The following TLE4 variants were observed in gnomAD, a reference collection of about 807,000 sequenced individuals.
TLE4 encodes the protein transducin-like enhancer protein 4.
In TLE4, 8 loss-of-function variants were observed where a neutral mutation model predicts 92.8. The observed-to-expected ratio is 0.09, with a 90% CI of 0.05 to 0.16. The LOEUF (loss-of-function observed/expected upper bound fraction) is 0.16, where lower values mean the gene tolerates loss of function less well. TLE4 is among the 10% of genes least tolerant of loss of function. TLE4 has a pLI of 1.00. For missense variants in TLE4, 675 were observed against 997.6 expected, an observed-to-expected ratio of 0.68 and a Z score of 4.36; for synonymous variants, 371 against 374.1, an observed-to-expected ratio of 0.99 and a Z score of 0.10.
intron 4 of TLE4, among the ~76,000 whole-genome samples, chr9:79,597,360 CTGACCTT>C (rs2044286849): frequency 6.6e-6 from 1 of 152,190 alleles, no homozygotes; most frequent in African/African-American, 2.4e-5. Flanking sequence ...GGTCCCTTCT[CTGACCTT>C]GGAAAATCCT....
intron 1 of TLE4, chr9:79,573,426 G>T (rs2036528746): frequency 2.5e-6 from 3 of 1,191,942 alleles, no homozygotes; most frequent in Admixed American, 7.3e-5. Context: ...TTTGGCCGGG[G>T]AGGGGAGACG....
intron 8 of TLE4, among the ~76,000 whole-genome samples, chr9:79,702,437 T>C (rs540308769): frequency 6.6e-6 from 1 of 152,064 alleles, no homozygotes; most frequent in South Asian, 2.1e-4. Context: ...GTTTCAGTGG[T>C]CATGAAAACC....
At chr9:79,622,482 C>T (rs1199562684) in intron 5 of TLE4, among the ~76,000 whole-genome samples, 1 of 152,144 alleles carries the variant, frequency 6.6e-6, no homozygotes, top group Non-Finnish European at 1.5e-5. Context: ...GTCAGGTCAG[C>T]TTCCTAAGGG....
chr9:79,690,772 C>A (rs1042409049), intron 8 of TLE4, among the ~76,000 whole-genome samples: 6 of 142,470 alleles, frequency 4.2e-5, no homozygotes, highest in African/African-American at 1.5e-4. Context: ...TGTGCCACCA[C>A]TCCTGGCTTT....
chr9:79,621,705 T>C (rs2051033400), intron 5 of TLE4, among the ~76,000 whole-genome samples: 1 of 152,172 alleles, frequency 6.6e-6, no homozygotes, highest in South Asian at 2.1e-4. Flanking sequence ...TTTAGAAATT[T>C]GCGTGCTTTT....
chr9:79,691,992 G>A (rs1225671757), intron 8 of TLE4, among the ~76,000 whole-genome samples: 1 of 152,150 alleles, frequency 6.6e-6, no homozygotes, highest in African/African-American at 2.4e-5. Context: ...TTAGGGCCCA[G>A]CAGAATGCCT....
chr9:79,703,307 C>A (rs1260362754), intron 8 of TLE4, among the ~76,000 whole-genome samples: 1 of 152,170 alleles, frequency 6.6e-6, no homozygotes, highest in Non-Finnish European at 1.5e-5. Context: ...GGTGCCCTGC[C>A]AAGGGACTGT....
At chr9:79,679,546 T>C (rs1330475304) in intron 8 of TLE4, among the ~76,000 whole-genome samples, 1 of 152,110 alleles carries the variant, frequency 6.6e-6, no homozygotes, top group Non-Finnish European at 1.5e-5. Context: ...GTTGAGAAAA[T>C]TTTCTCCCAT....
intron 14 of TLE4, among the ~76,000 whole-genome samples, chr9:79,712,049 A>G (rs1310280519): frequency 6.6e-6 from 1 of 152,192 alleles, no homozygotes; most frequent in Non-Finnish European, 1.5e-5. Flanking sequence ...TCATTCATGA[A>G]TCAGGGATGG....
In TLE4 at chr9:79,596,569, A is replaced by G. The variant is rs141654227; in HGVS notation, c.253-16087A>G. On this transcript the variant is annotated intron_variant, in intron 4 of 19. Transcript: ENST00000376552. ...TTTAGATCTGTTCCCTAGCCACCTCATGGTCCTTGCAGCCCTTCCCCTGTG... is the reference window on the plus strand; with the variant it reads ...TTTAGATCTGTTCCCTAGCCACCTCGTGGTCCTTGCAGCCCTTCCCCTGTG... Among the ~76,000 whole-genome samples, 53 of 152,230 alleles carry G rather than the reference A, an allele frequency of 3.5e-4. 2 individuals are homozygous for G. In the East Asian group the frequency reaches 5.2e-3, roughly 15 times the overall value.
intron 8 of TLE4, among the ~76,000 whole-genome samples, chr9:79,682,281 G>A (rs2064870347): frequency 6.6e-6 from 1 of 152,104 alleles, no homozygotes; most frequent in East Asian, 1.9e-4. Flanking sequence ...TTGAAGTGAT[G>A]TAAAAGTGTA....
intron 8 of TLE4, among the ~76,000 whole-genome samples, chr9:79,658,695 A>G (rs146950495): frequency 6.6e-6 from 1 of 152,314 alleles, no homozygotes; most frequent in East Asian, 1.9e-4. Flanking sequence ...TACTTCATAC[A>G]CCCCTTTAAG....
At chr9:79,594,429 G>T (rs1181332903) in intron 4 of TLE4, among the ~76,000 whole-genome samples, 6 of 152,148 alleles carry the variant, frequency 3.9e-5, no homozygotes, top group Admixed American at 2.6e-4. Context: ...AAGATTGATA[G>T]TGTATTATCT....
At chr9:79,656,497 G>A (rs572627350) in intron 8 of TLE4, among the ~76,000 whole-genome samples, 38 of 151,940 alleles carry the variant, frequency 2.5e-4, no homozygotes, top group Non-Finnish European at 5.1e-4. Flanking sequence ...GTAATTTTTG[G>A]CCATCTGTCA....
At chr9:79,681,593 A>G (rs1436886408) in intron 8 of TLE4, among the ~76,000 whole-genome samples, 1 of 152,158 alleles carries the variant, frequency 6.6e-6, no homozygotes, top group East Asian at 1.9e-4. Flanking sequence ...CATTAAGGAC[A>G]TTCTAGACAT....
At chr9:79,681,470 G>A (rs1290028323) in intron 8 of TLE4, among the ~76,000 whole-genome samples, 1 of 152,130 alleles carries the variant, frequency 6.6e-6, no homozygotes, top group Non-Finnish European at 1.5e-5. Flanking sequence ...TTGGATATAG[G>A]CTCTTTCCTT....
intron 6 of TLE4, 34 bp downstream of exon 6, chr9:79,627,482 G>A: frequency 6.2e-7 from 1 of 1,603,162 alleles, no homozygotes; most frequent in Non-Finnish European, 8.5e-7. Context: ...TCTGATCTTA[G>A]TGTTTGTCAT....
Position 79,652,624 on chromosome 9 carries a change from G to C in TLE4, c.422G>C (p.Gly141Ala). 1.2e-6 allele frequency: 2 copies of C among 1,614,072 alleles called. No homozygotes were observed. The highest frequency in any genetic ancestry group is 1.7e-6 in the Non-Finnish European group (2 of 1,180,018). Residue 141 changes from glycine (G) to alanine (A), a missense_variant, in exon 7 of 20, where the codon GGA becomes GCA. Transcript: ENST00000376552. Reference sequence around the variant, plus strand: ...CTCCAGGCCCAGCATTTATCACATGGACATGGTCTCCCCGTACCTCTGACT... The same window carrying C: ...CTCCAGGCCCAGCATTTATCACATGCACATGGTCTCCCCGTACCTCTGACT... Reference protein sequence around the residue: ...QQLQAQHLSHGHGLPVPLTPH... With the variant: ...QQLQAQHLSHAHGLPVPLTPH...
At chr9:79,709,350 A>G (rs1229177719) in intron 13 of TLE4, among the ~76,000 whole-genome samples, 1 of 152,228 alleles carries the variant, frequency 6.6e-6, no homozygotes, top group Non-Finnish European at 1.5e-5. Context: ...GAATTAGATC[A>G]CATAGTATAA....
Sources: allele counts gnomAD v4.1 joint callset (sites outside exome capture counted in the v4.1 genomes callset), GRCh38; gene constraint gnomAD v4.1.1; transcripts MANE v1.5; gene names NCBI Gene and HGNC (gene_info 2026-07-23, HGNC 2026-07-21).